WASHC2C: variants seen among roughly 807,000 people sequenced by gnomAD.
WASHC2C encodes WASH complex subunit 2C, also known as Vaccinia Penetration Factor.
Under a neutral mutation model 142.2 loss-of-function variants are expected in WASHC2C, and 73 were observed. The observed-to-expected ratio is 0.51, with a 90% confidence interval of 0.43 to 0.62. The LOEUF is 0.62. WASHC2C is among the 20% of genes least tolerant of loss of function. WASHC2C has a pLI of 0.00. For synonymous variants in WASHC2C, 337 were observed against 565.5 expected, an observed-to-expected ratio of 0.60 and a Z score of 5.73; for missense variants, 969 against 1,531.7, an observed-to-expected ratio of 0.63 and a Z score of 6.13.
At chr10:45,729,298 T>C (rs2050267112) in intron 3 of WASHC2C, among the ~76,000 whole-genome samples, 1 of 152,232 alleles carries the variant, frequency 6.6e-6, no homozygotes, top group African/African-American at 2.4e-5. Flanking sequence ...TTGTGCTGAA[T>C]TGTGTGGCAC....
upstream of WASHC2C, chr10:45,727,131 C>T (rs1297431579): frequency 3.5e-6 from 5 of 1,425,504 alleles, no homozygotes; most frequent in African/African-American, 5.9e-5. Context: ...ACTCCAGTCC[C>T]AGTCCACTTC....
chr10:45,741,702 A>C (rs1251224629), intron 5 of WASHC2C, among the ~76,000 whole-genome samples: 1 of 151,948 alleles, frequency 6.6e-6, no homozygotes, highest in South Asian at 2.1e-4. Context: ...AAGAGATATC[A>C]TTGCCAAAGG....
At chr10:45,787,532 C>T (rs2058131261) in intron 28 of WASHC2C, among the ~76,000 whole-genome samples, 1 of 150,290 alleles carries the variant, frequency 6.7e-6, no homozygotes. Flanking sequence ...AGCACTGCCA[C>T]CTGGGGGTCT....
intron 20 of WASHC2C, among the ~76,000 whole-genome samples, chr10:45,770,571 C>T (rs1337251251): frequency 6.6e-5 from 10 of 152,138 alleles, no homozygotes; most frequent in African/African-American, 2.4e-4. Flanking sequence ...ACTGATTGGA[C>T]ATGTAAATCC....
intron 11 of WASHC2C, among the ~76,000 whole-genome samples, chr10:45,752,297 C>G (rs868927842): frequency 6.6e-6 from 1 of 152,024 alleles, no homozygotes; most frequent in Non-Finnish European, 1.5e-5. Context: ...GCGTCTGACC[C>G]GAATGCTTGC....
At chr10:45,772,739 A>G (rs1554885113) in intron 20 of WASHC2C, among the ~76,000 whole-genome samples, 2 of 152,222 alleles carry the variant, frequency 1.3e-5, no homozygotes, top group African/African-American at 4.8e-5. Flanking sequence ...AATATTAAAA[A>G]TAGAGTAAAT....
intron 3 of WASHC2C, among the ~76,000 whole-genome samples, chr10:45,731,989 G>C (rs569302191): frequency 1.1e-4 from 16 of 151,776 alleles, no homozygotes; most frequent in Admixed American, 3.3e-4. Flanking sequence ...GTAGAGATGG[G>C]GTTTCACCGT....
intron 14 of WASHC2C, 129 bp downstream of exon 14, chr10:45,754,674 T>C: frequency 3.0e-6 from 3 of 985,054 alleles, no homozygotes; most frequent in Non-Finnish European, 4.5e-6. Flanking sequence ...TTTGAGCATC[T>C]TATAGAAAGA....
At chr10:45,743,339 G>C in intron 5 of WASHC2C, 51 bp from the exon 6 acceptor site, 1 of 1,611,590 alleles carries the variant, frequency 6.2e-7, no homozygotes, top group Non-Finnish European at 8.5e-7. Context: ...GCACATGTAA[G>C]TTTGTTTTCA....
At chr10:45,730,071 G>A (rs2050353558) in intron 3 of WASHC2C, among the ~76,000 whole-genome samples, 1 of 136,142 alleles carries the variant, frequency 7.3e-6, no homozygotes. Flanking sequence ...TCGGCCAGGC[G>A]TGGTGGCTCA....
intron 3 of WASHC2C, among the ~76,000 whole-genome samples, chr10:45,730,237 T>A (rs1478801435): frequency 8.1e-6 from 1 of 122,842 alleles, no homozygotes; most frequent in African/African-American, 3.1e-5. Flanking sequence ...TCCCAGCTAC[T>A]TGGGAAGGCT....
intron 8 of WASHC2C, among the ~76,000 whole-genome samples, chr10:45,749,058 A>G (rs1392411666): frequency 2.0e-5 from 3 of 152,030 alleles, no homozygotes; most frequent in Non-Finnish European, 4.4e-5. Context: ...TACAGCTTTT[A>G]CCTTTTAACT....
At chr10:45,786,965 A>C in intron 27 of WASHC2C, 70 bp from the exon 28 acceptor site, 1 of 1,611,806 alleles carries the variant, frequency 6.2e-7, no homozygotes, top group Admixed American at 1.7e-5. Context: ...GAATCTTGTC[A>C]TGTGTCACAA....
chr10:45,792,864 T>A lies in WASHC2C; in HGVS notation c.*464T>A. On this transcript the variant is annotated 3_prime_UTR_variant, in exon 31 of 31. Coordinates refer to ENST00000623400, the MANE Select transcript of WASHC2C (RefSeq NM_001330074.2). ...ATATGGGAGCAGGTTTTCACTGAATTCTGAGGGTGCCTCTGCATGTCCTCC... is the reference window on the plus strand; with the variant it reads ...ATATGGGAGCAGGTTTTCACTGAATACTGAGGGTGCCTCTGCATGTCCTCC... The A allele has an allele frequency of 2.1e-6, 1 of 470,662 alleles. No individual in the cohort carries two copies. Among genetic ancestry groups the A allele is most frequent in the East Asian group, 6.9e-5 (1 of 14,430 alleles). The allele number at this position is 470,662 out of a possible 1,614,324, so 29.2% of individuals were successfully genotyped here. A position where few individuals can be genotyped will look rare whatever the true frequency, so the allele number is the denominator to read the frequency against.
intron 4 of WASHC2C, 81 bp downstream of exon 4, chr10:45,738,126 G>T (rs1378010674): frequency 4.3e-5 from 69 of 1,611,662 alleles, no homozygotes; most frequent in Non-Finnish European, 5.3e-5. Context: ...TGGGAACTGG[G>T]GGATGGTGGG....
chr10:45,779,355 C>G (rs573732752), intron 23 of WASHC2C, among the ~76,000 whole-genome samples: 5 of 147,306 alleles, frequency 3.4e-5, no homozygotes, highest in African/African-American at 1.2e-4. Context: ...CCCCCCTCTT[C>G]TGGGATTTAC....
chr10:45,771,364 CAAA>C (rs58095251), intron 20 of WASHC2C, among the ~76,000 whole-genome samples: 96 of 40,200 alleles, frequency 2.4e-3, no homozygotes, highest in African/African-American at 6.7e-3. Flanking sequence ...GACTCCATCT[CAAA>C]AAAAAAAAAA....
rs1177212829 is a variant in WASHC2C at position 45,740,367 on chromosome 10, CT to C, written c.528+122del. 3.1e-4 allele frequency: 188 copies of C among 605,494 alleles called. 1 individual carries two copies. In the African/African-American group the frequency reaches 3.2e-3, roughly 10 times the overall value. The allele number at this position is 605,494 out of a possible 1,614,324, so 37.5% of individuals were successfully genotyped here. On this transcript the variant is annotated intron_variant, in intron 5 of 30. Transcript: ENST00000623400. ...GGAAGTGAGTATGTCACTTAGTAGT[CT>C]CACATTGACTCCACCAGAAAGACTC...
intron 23 of WASHC2C, among the ~76,000 whole-genome samples, chr10:45,784,270 A>ATACG (rs2057791737): frequency 1.7e-4 from 1 of 5,756 alleles, no homozygotes; most frequent in African/African-American, 3.1e-4. Context: ...ATATATATAT[A>ATACG]TATATATATA....
Sources: gnomAD v4.1 joint callset for allele counts (sites outside exome capture counted in the v4.1 genomes callset) on GRCh38, gnomAD v4.1.1 for gene constraint, MANE v1.5 for transcripts, NCBI Gene and HGNC (gene_info 2026-07-23, HGNC 2026-07-21) for gene names.